The following LHFPL6 variants were observed in gnomAD, a reference collection of about 807,000 sequenced individuals.
LHFPL6 encodes the protein LHFPL tetraspan subfamily member 6.
LHFPL6 carries 9 observed loss-of-function variants against 20.6 expected under a neutral mutation model. The ratio of observed to expected loss-of-function variants is 0.44; its 90% CI spans 0.26 to 0.76. The LOEUF (loss-of-function observed/expected upper bound fraction) is 0.76, where lower values mean the gene tolerates loss of function less well. LHFPL6 is among the 30% of genes least tolerant of loss of function. The pLI is 0.20. For missense variants in LHFPL6, 218 were observed against 253.5 expected (o/e 0.86, Z 0.95); for synonymous variants, 105 against 98.7 (o/e 1.06, Z -0.38).
At chr13:39,459,992 T>A (rs907006548) in intron 2 of LHFPL6, among the ~76,000 whole-genome samples, 5 of 152,144 alleles carry the variant, frequency 3.3e-5, no homozygotes, top group African/African-American at 1.2e-4. Flanking sequence ...AGTAAGAGGA[T>A]CTTTTCTTTA....
chr13:39,364,197 G>A (rs1374219398), intron 3 of LHFPL6, among the ~76,000 whole-genome samples: 1 of 151,964 alleles, frequency 6.6e-6, no homozygotes, highest in Non-Finnish European at 1.5e-5. Flanking sequence ...GAGTAGAGAT[G>A]GGCCAATCAG....
intron 2 of LHFPL6, among the ~76,000 whole-genome samples, chr13:39,585,037 A>G (rs1872404844): frequency 6.6e-6 from 1 of 152,218 alleles, no homozygotes; most frequent in South Asian, 2.1e-4. Context: ...TAAGGAGTCC[A>G]CTGCTTTATG....
chr13:39,535,966 T>C (rs964235426), intron 2 of LHFPL6, among the ~76,000 whole-genome samples: 6 of 152,166 alleles, frequency 3.9e-5, no homozygotes, highest in Admixed American at 2.0e-4. Context: ...TGAAGCCTAT[T>C]TGATTACCTG....
intron 2 of LHFPL6, among the ~76,000 whole-genome samples, chr13:39,486,570 C>T (rs1169995767): frequency 6.6e-6 from 1 of 152,152 alleles, no homozygotes; most frequent in Non-Finnish European, 1.5e-5. Flanking sequence ...TGTATCACCC[C>T]AAGTGGTTAC....
chr13:39,514,948 A>G (rs879817331), intron 2 of LHFPL6, among the ~76,000 whole-genome samples: 6 of 152,226 alleles, frequency 3.9e-5, no homozygotes, highest in Non-Finnish European at 8.8e-5. Context: ...TAAGATGAAC[A>G]TGTGAGTTTT....
At chr13:39,562,631 T>C (rs905511116) in intron 2 of LHFPL6, among the ~76,000 whole-genome samples, 25 of 31,194 alleles carry the variant, frequency 8.0e-4, no homozygotes, top group African/African-American at 1.2e-3. Flanking sequence ...TATACACACA[T>C]ATATATACAC....
intron 2 of LHFPL6, among the ~76,000 whole-genome samples, chr13:39,421,211 T>C (rs1871476077): frequency 6.6e-6 from 1 of 152,190 alleles, no homozygotes; most frequent in South Asian, 2.1e-4. Context: ...AAAGTAAAAC[T>C]CCAAAATTCA....
chr13:39,553,701 G>A (rs1205551316), intron 2 of LHFPL6, among the ~76,000 whole-genome samples: 1 of 152,194 alleles, frequency 6.6e-6, no homozygotes, highest in Non-Finnish European at 1.5e-5. Flanking sequence ...GACAGAGCAA[G>A]ACCTTGTCTC....
At chr13:39,388,005 T>C (rs973028924) in intron 2 of LHFPL6, among the ~76,000 whole-genome samples, 2 of 152,126 alleles carry the variant, frequency 1.3e-5, no homozygotes, top group Non-Finnish European at 2.9e-5. Flanking sequence ...CACAAAAAGC[T>C]TCTGTCCAAA....
intron 2 of LHFPL6, among the ~76,000 whole-genome samples, chr13:39,494,810 G>A (rs139843288): frequency 2.0e-5 from 3 of 152,276 alleles, no homozygotes; most frequent in Admixed American, 2.0e-4. Context: ...GAATAGAATT[G>A]TGCCGTGCCA....
chr13:39,356,456 G>T (rs1869730546), intron 3 of LHFPL6, among the ~76,000 whole-genome samples: 1 of 152,242 alleles, frequency 6.6e-6, no homozygotes, highest in South Asian at 2.1e-4. Flanking sequence ...CATCATATCT[G>T]TGGGAAAAGA....
At chr13:39,406,037 C>T (rs1593300403) in intron 2 of LHFPL6, among the ~76,000 whole-genome samples, 1 of 152,114 alleles carries the variant, frequency 6.6e-6, no homozygotes, top group Non-Finnish European at 1.5e-5. Flanking sequence ...TGTAGCTGAG[C>T]TCACCAGAGT....
At chr13:39,363,851 A>G (rs1160086463) in intron 3 of LHFPL6, among the ~76,000 whole-genome samples, 1 of 152,208 alleles carries the variant, frequency 6.6e-6, no homozygotes, top group Non-Finnish European at 1.5e-5. Flanking sequence ...TGGGAAAAAA[A>G]CAAATTTTTC....
At chr13:39,414,896 CA>C (rs1473931459) in intron 2 of LHFPL6, among the ~76,000 whole-genome samples, 3 of 152,132 alleles carry the variant, frequency 2.0e-5, no homozygotes, top group Non-Finnish European at 4.4e-5. Flanking sequence ...AAACACAAAT[CA>C]TTTTTACTAG....
intron 2 of LHFPL6, among the ~76,000 whole-genome samples, chr13:39,426,592 C>A (rs1054555996): frequency 3.3e-5 from 5 of 152,100 alleles, no homozygotes; most frequent in Non-Finnish European, 7.4e-5. Flanking sequence ...AGTATTTAAC[C>A]TTTTGCTTCT....
intron 3 of LHFPL6, among the ~76,000 whole-genome samples, chr13:39,367,475 T>A (rs1307457516): frequency 1.3e-5 from 2 of 152,222 alleles, no homozygotes; most frequent in African/African-American, 4.8e-5. Flanking sequence ...AGAGGTGCGT[T>A]TCTGTATAAT....
intron 3 of LHFPL6, among the ~76,000 whole-genome samples, chr13:39,344,257 T>C (rs1869331352): frequency 6.6e-6 from 1 of 152,172 alleles, no homozygotes; most frequent in Non-Finnish European, 1.5e-5. Context: ...AGGATCTCAA[T>C]GTCTACCTCT....
chr13:39,505,394 C>A (rs530662907), intron 2 of LHFPL6, among the ~76,000 whole-genome samples: 11 of 151,896 alleles, frequency 7.2e-5, no homozygotes, highest in African/African-American at 2.7e-4. Flanking sequence ...TAAGGAATTG[C>A]GCAAGACCCC....
chr13:39,359,230 C>A (rs1192356887), intron 3 of LHFPL6, among the ~76,000 whole-genome samples: 1 of 152,056 alleles, frequency 6.6e-6, no homozygotes, highest in East Asian at 1.9e-4. Context: ...ACGCTGCTGG[C>A]GGGAATGTAA....
Sources: allele counts gnomAD v4.1 joint callset (sites outside exome capture counted in the v4.1 genomes callset), GRCh38; gene constraint gnomAD v4.1.1; transcripts MANE v1.5; gene names NCBI Gene and HGNC (gene_info 2026-07-23, HGNC 2026-07-21).